The following PCDH15 variants were observed in gnomAD, a reference collection of about 807,000 sequenced individuals.
PCDH15 encodes protocadherin-15.
In PCDH15, 129 loss-of-function variants were observed where a neutral mutation model predicts 178.5. The ratio of observed to expected loss-of-function variants is 0.72; its 90% CI spans 0.63 to 0.84. The LOEUF is 0.84. Among genes scored for constraint, PCDH15 ranks in the 40% least tolerant of loss-of-function variants. The pLI, the probability that PCDH15 is intolerant of heterozygous loss-of-function variation, is 0.00. For synonymous variants in PCDH15, 800 were observed against 732.0 expected (o/e 1.09, Z -1.50); for missense variants, 2,230 against 2,099.9 (o/e 1.06, Z -1.21).
At chr10:54,690,898 T>C (rs1042037779) in intron 1 of PCDH15, among the ~76,000 whole-genome samples, 1 of 152,038 alleles carries the variant, frequency 6.6e-6, no homozygotes, top group African/African-American at 2.4e-5. Flanking sequence ...AAATGTCCAA[T>C]TTTTTTCTCA....
At chr10:54,396,648 A>G (rs942426341) in intron 3 of PCDH15, among the ~76,000 whole-genome samples, 1 of 152,156 alleles carries the variant, frequency 6.6e-6, no homozygotes, top group Non-Finnish European at 1.5e-5. Context: ...AGAAGTTGAC[A>G]TGATATATGA....
chr10:55,174,454 C>T (rs879929638), intron 1 of PCDH15, among the ~76,000 whole-genome samples: 1 of 152,176 alleles, frequency 6.6e-6, no homozygotes, highest in Admixed American at 6.5e-5. Flanking sequence ...AGCTTGGCCT[C>T]CAGAGGAAAG....
In PCDH15 at chr10:53,806,591, CATTGGT is replaced by C. The variant is rs1841178124; in HGVS notation, c.5205_5210del (p.Ile1735_Pro1736del). 4 of 1,598,770 alleles carry C rather than the reference CATTGGT, an allele frequency of 2.5e-6. No individual in the cohort carries two copies. The highest frequency in any genetic ancestry group is 3.4e-6 in the Non-Finnish European group (4 of 1,170,682). ...TTTAAAAAATTGGTCACAGTTTTGT[CATTGGT>C]ATATGGAGGTTGTTCCAGGGGCCCA... On this transcript the variant is annotated inframe_deletion, in exon 38 of 38. Transcript: ENST00000644397.
intron 1 of PCDH15, among the ~76,000 whole-genome samples, chr10:54,672,176 G>A (rs1168770977): frequency 1.3e-5 from 2 of 151,664 alleles, no homozygotes; most frequent in African/African-American, 2.4e-5. Context: ...AGCTCCCACT[G>A]ATTTTACATT....
chr10:54,598,116 C>A (rs1382867578), intron 2 of PCDH15, among the ~76,000 whole-genome samples: 1 of 152,082 alleles, frequency 6.6e-6, no homozygotes, highest in Non-Finnish European at 1.5e-5. Flanking sequence ...AGGGACTTCT[C>A]CTCAACTCAT....
At chr10:53,898,360 T>C (rs1475738936) in intron 26 of PCDH15, among the ~76,000 whole-genome samples, 2 of 152,196 alleles carry the variant, frequency 1.3e-5, no homozygotes, top group African/African-American at 4.8e-5. Flanking sequence ...GTTTCAATTA[T>C]TTTAAGTATA....
At chr10:55,523,048 A>T (rs953927234) in intron 2 of PCDH15, among the ~76,000 whole-genome samples, 1 of 151,710 alleles carries the variant, frequency 6.6e-6, no homozygotes, top group Non-Finnish European at 1.5e-5. Flanking sequence ...TAAACTGATA[A>T]CAACTTCAAC....
chr10:54,261,756 A>C (rs2057333728), intron 8 of PCDH15, among the ~76,000 whole-genome samples: 1 of 152,214 alleles, frequency 6.6e-6, no homozygotes, highest in Non-Finnish European at 1.5e-5. Context: ...GAGGAAGCAC[A>C]GAAAGTAAAA....
intron 1 of PCDH15, among the ~76,000 whole-genome samples, chr10:54,756,089 A>ACACT (rs1555182949): frequency 2.4e-3 from 353 of 148,336 alleles, no homozygotes; most frequent in African/African-American, 4.8e-3. Flanking sequence ...ACACACACAC[A>ACACT]CACACACAAA....
Position 53,961,815 on chromosome 10 carries a change from T to A in PCDH15, c.2946A>T (p.Glu982Asp). The change falls in exon 22 of 38, where the codon GAA becomes GAT. Residue 982 changes from glutamate (E) to aspartate (D), a missense_variant. Glu to Asp is a conservative substitution (Grantham distance 45). Coordinates refer to ENST00000644397, the MANE Select transcript of PCDH15 (RefSeq NM_001384140.1). The stretch of plus-strand genomic sequence containing the variant: ...GTGTTATTACTCTTCCAGAATCTTC[T>A]TCCACTTCAAAAATACTGGCAGGGT... Reference protein sequence around the residue: ...FPYPASIFEVEEDSGRVITRV... With the variant: ...FPYPASIFEVDEDSGRVITRV... 5 of 1,611,830 alleles carry A rather than the reference T, an allele frequency of 3.1e-6. No homozygotes were observed. Among genetic ancestry groups the A allele is most frequent in the Non-Finnish European group, 3.4e-6 (4 of 1,178,342 alleles).
intron 2 of PCDH15, among the ~76,000 whole-genome samples, chr10:55,128,462 C>G (rs1591924496): frequency 6.6e-6 from 1 of 152,036 alleles, no homozygotes; most frequent in South Asian, 2.1e-4. Context: ...CTCATGCTCT[C>G]TCATGTAGCT....
intron 2 of PCDH15, among the ~76,000 whole-genome samples, chr10:55,446,062 C>A (rs1839308990): frequency 6.6e-6 from 1 of 152,074 alleles, no homozygotes; most frequent in Non-Finnish European, 1.5e-5. Flanking sequence ...AGGCCTATGC[C>A]TGAGGCCATC....
At chr10:53,887,854 A>T (rs992907339) in intron 26 of PCDH15, among the ~76,000 whole-genome samples, 1 of 152,178 alleles carries the variant, frequency 6.6e-6, no homozygotes, top group Non-Finnish European at 1.5e-5. Flanking sequence ...GCGCCACCGC[A>T]CTCCAGCCTG....
chr10:55,231,226 T>G (rs544962946), intron 1 of PCDH15, among the ~76,000 whole-genome samples: 1 of 152,024 alleles, frequency 6.6e-6, no homozygotes, highest in South Asian at 2.1e-4. Flanking sequence ...ATCCAGAAAA[T>G]AAACTTGTTG....
intron 1 of PCDH15, among the ~76,000 whole-genome samples, chr10:55,289,839 A>C (rs1295281750): frequency 6.6e-6 from 1 of 152,084 alleles, no homozygotes. Context: ...TAATATCATC[A>C]TCTAGGGTGT....
intron 5 of PCDH15, among the ~76,000 whole-genome samples, chr10:54,351,192 C>A (rs1440756439): frequency 6.6e-6 from 1 of 151,748 alleles, no homozygotes; most frequent in African/African-American, 2.4e-5. Flanking sequence ...AAACTGTGAA[C>A]AAAGAGACCT....
intron 2 of PCDH15, among the ~76,000 whole-genome samples, chr10:54,987,851 A>T (rs1839410385): frequency 1.3e-5 from 2 of 151,988 alleles, no homozygotes; most frequent in Admixed American, 6.5e-5. Flanking sequence ...TGCTGTGCAG[A>T]AGCTCTTTAG....
At chr10:55,099,126 A>G (rs775159081) in intron 2 of PCDH15, among the ~76,000 whole-genome samples, 1 of 151,872 alleles carries the variant, frequency 6.6e-6, no homozygotes, top group Non-Finnish European at 1.5e-5. Context: ...TTTTTTGAAG[A>G]GATGTTGCTC....
chr10:55,419,304 T>C (rs923241651), intron 2 of PCDH15, among the ~76,000 whole-genome samples: 3 of 151,778 alleles, frequency 2.0e-5, no homozygotes, highest in Non-Finnish European at 2.9e-5. Flanking sequence ...TGCTTAGTTG[T>C]AGATTGCACG....
Sources: allele counts gnomAD v4.1 joint callset (sites outside exome capture counted in the v4.1 genomes callset), GRCh38; gene constraint gnomAD v4.1.1; transcripts MANE v1.5; gene names NCBI Gene and HGNC (gene_info 2026-07-23, HGNC 2026-07-21).